The following TRPC6 variants were observed in gnomAD, a reference collection of about 807,000 sequenced individuals.
The protein encoded by TRPC6 is transient receptor potential cation channel subfamily C member 6, also known as short transient receptor potential channel 6.
TRPC6 carries 55 observed loss-of-function variants against 90.7 expected under a neutral mutation model. The ratio of observed to expected loss-of-function variants is 0.61; its 90% CI spans 0.49 to 0.76. TRPC6 has a LOEUF of 0.76. Among genes scored for constraint, TRPC6 ranks in the 30% least tolerant of loss-of-function variants. The pLI is 0.00. For synonymous variants in TRPC6, 393 were observed against 393.0 expected, an observed-to-expected ratio of 1.00 and a Z score of 0.00; for missense variants, 989 against 1,122.7, an observed-to-expected ratio of 0.88 and a Z score of 1.70.
At chr11:101,491,408 T>G in intron 3 of TRPC6, 148 bp downstream of exon 3, 1 of 1,015,944 alleles carries the variant, frequency 9.8e-7, no homozygotes, top group South Asian at 1.5e-5. Context: ...CACTCCAGAC[T>G]GGGCGACAGA....
chr11:101,451,804 CA>C lies in TRPC6; in HGVS notation c.*1150del, dbSNP rs1457003029. ...ATTATTGAATTGGAAGTAGCAGTTC[CA>C]GTTAATGTCCAGCATCCTCTGAATG... is the stretch of plus-strand genomic sequence containing the variant. On this transcript the variant is annotated 3_prime_UTR_variant, in exon 13 of 13. Transcript: ENST00000344327. 2 of 152,140 alleles carry C rather than the reference CA, an allele frequency of 1.3e-5. No homozygotes were observed. The highest frequency in any genetic ancestry group is 4.8e-5 in the African/African-American group (2 of 41,412). 9.4% of individuals were successfully genotyped at this position (152,140 alleles called of 1,614,324 possible). A position where few individuals can be genotyped will look rare whatever the true frequency, so the allele number is the denominator to read the frequency against.
At chr11:101,541,610 C>T (rs547307443) in intron 1 of TRPC6, among the ~76,000 whole-genome samples, 21 of 152,180 alleles carry the variant, frequency 1.4e-4, no homozygotes, top group African/African-American at 4.8e-4. Context: ...AGAGGCAGGC[C>T]GAGTGGATGG....
chr11:101,572,628 A>T (rs1861988139), intron 1 of TRPC6, among the ~76,000 whole-genome samples: 4 of 152,204 alleles, frequency 2.6e-5, no homozygotes, highest in Admixed American at 2.6e-4. Flanking sequence ...TCAATTATAG[A>T]CTGGATAAAG....
At chr11:101,558,111 A>C (rs1861600381) in intron 1 of TRPC6, among the ~76,000 whole-genome samples, 1 of 151,840 alleles carries the variant, frequency 6.6e-6, no homozygotes, top group South Asian at 2.1e-4. Context: ...TGAAGTTATC[A>C]TACTACCTGA....
At chr11:101,474,246 A>G (rs78181121) in intron 6 of TRPC6, among the ~76,000 whole-genome samples, 3,337 of 152,316 alleles carry the variant, frequency 0.022, 126 homozygotes, top group African/African-American at 0.074. Flanking sequence ...GTCTTAAACT[A>G]TAATTACACT....
At chr11:101,569,781 A>T (rs1861916889) in intron 1 of TRPC6, among the ~76,000 whole-genome samples, 1 of 152,204 alleles carries the variant, frequency 6.6e-6, no homozygotes, top group Non-Finnish European at 1.5e-5. Context: ...TGTGTAAATA[A>T]CAAAATTAAG....
chr11:101,521,077 T>C (rs1434550102), intron 1 of TRPC6, among the ~76,000 whole-genome samples: 2 of 152,130 alleles, frequency 1.3e-5, no homozygotes, highest in Non-Finnish European at 1.5e-5. Context: ...GCTGCAGAAA[T>C]TTGCATAAGT....
chr11:101,518,069 T>C (rs1409844633), intron 1 of TRPC6, among the ~76,000 whole-genome samples: 3 of 152,210 alleles, frequency 2.0e-5, no homozygotes, highest in African/African-American at 7.2e-5. Context: ...CTCAGAGTTG[T>C]GATATACTGG....
intron 8 of TRPC6, 25 bp downstream of exon 8, chr11:101,472,112 T>C (rs1346874152): frequency 6.2e-7 from 1 of 1,607,542 alleles, no homozygotes; most frequent in Non-Finnish European, 8.5e-7. Context: ...AAGGCACAAA[T>C]TATAAAAATG....
intron 2 of TRPC6, among the ~76,000 whole-genome samples, chr11:101,501,935 A>ATTTATG (rs569080801): frequency 2.3e-3 from 348 of 152,318 alleles, no homozygotes; most frequent in African/African-American, 7.9e-3. Context: ...TCCTAAATAC[A>ATTTATG]TTTATGTTTT....
At chr11:101,527,575 T>C (rs1031149731) in intron 1 of TRPC6, among the ~76,000 whole-genome samples, 1 of 152,176 alleles carries the variant, frequency 6.6e-6, no homozygotes, top group Non-Finnish European at 1.5e-5. Flanking sequence ...TGTGCACACA[T>C]GCATGTTATT....
intron 4 of TRPC6, among the ~76,000 whole-genome samples, chr11:101,483,582 C>T (rs1389910975): frequency 6.6e-6 from 1 of 152,068 alleles, no homozygotes; most frequent in Admixed American, 6.5e-5. Context: ...TGGGTGTCCT[C>T]ACATATACTT....
chr11:101,473,132 G>A (rs1021055504), intron 7 of TRPC6, among the ~76,000 whole-genome samples: 1 of 152,126 alleles, frequency 6.6e-6, no homozygotes, highest in Non-Finnish European at 1.5e-5. Context: ...AGGAGGGTAA[G>A]GGAGTTTAGA....
intron 1 of TRPC6, among the ~76,000 whole-genome samples, chr11:101,525,961 C>T (rs1318223095): frequency 1.3e-5 from 2 of 152,120 alleles, no homozygotes; most frequent in African/African-American, 4.8e-5. Flanking sequence ...ATGGGCGGGG[C>T]AGCTCCTTTT....
chr11:101,506,037 G>C, intron 1 of TRPC6, among the ~76,000 whole-genome samples: 1 of 150,470 alleles, frequency 6.6e-6, no homozygotes, highest in Admixed American at 6.6e-5. Flanking sequence ...AAAAAAGGAA[G>C]GGGGCTGTGA....
rs139884404 is a variant in TRPC6, at chr11:101,520,424, C to T, written c.171-15626G>A. On this transcript the variant is annotated intron_variant, in intron 1 of 12. Coordinates refer to ENST00000344327, the MANE Select transcript of TRPC6 (RefSeq NM_004621.6). ...TTCTTTAGAGCAATGTGAGAACAAA[C>T]TAATATAGAAAATTGGTAACAGAGA... Among the ~76,000 whole-genome samples, 70 of 152,130 alleles carry T rather than the reference C, an allele frequency of 4.6e-4. 3 individuals carry two copies. The East Asian group carries it at 0.013, about 29-fold the overall frequency.
chr11:101,567,477 G>C (rs1442488748), intron 1 of TRPC6, among the ~76,000 whole-genome samples: 2 of 152,226 alleles, frequency 1.3e-5, no homozygotes, highest in African/African-American at 4.8e-5. Flanking sequence ...CAGCTCTGAA[G>C]AGAGCAGTGG....
At chr11:101,556,714 C>A (rs1861567737) in intron 1 of TRPC6, among the ~76,000 whole-genome samples, 2 of 152,108 alleles carry the variant, frequency 1.3e-5, no homozygotes, top group Admixed American at 6.5e-5. Flanking sequence ...AAGAAGCCAG[C>A]CCTACCCTGA....
intron 2 of TRPC6, among the ~76,000 whole-genome samples, chr11:101,494,054 T>C (rs143021151): frequency 1.1e-3 from 174 of 152,334 alleles, no homozygotes; most frequent in African/African-American, 3.9e-3. Flanking sequence ...AAACTACTTA[T>C]AAACAGACGT....
Sources: allele counts gnomAD v4.1 joint callset (sites outside exome capture counted in the v4.1 genomes callset), GRCh38; gene constraint gnomAD v4.1.1; transcripts MANE v1.5; gene names NCBI Gene and HGNC (gene_info 2026-07-23, HGNC 2026-07-21).